Variants in CA10 observed in about 807,000 individuals in gnomAD.
CA10 encodes the protein carbonic anhydrase-related protein 10.
Under a neutral mutation model 44.2 loss-of-function variants are expected in CA10, and 14 were observed. The ratio of observed to expected loss-of-function variants is 0.32; its 90% CI spans 0.21 to 0.50. The LOEUF is 0.50. Among genes scored for constraint, CA10 ranks in the 20% least tolerant of loss-of-function variants. The probability of loss-of-function intolerance (pLI) is 0.99; values close to 1 mark genes in which losing one functional copy is unlikely to be tolerated. For synonymous variants in CA10, 159 were observed against 141.6 expected, an observed-to-expected ratio of 1.12 and a Z score of -0.87; for missense variants, 350 against 409.7, an observed-to-expected ratio of 0.85 and a Z score of 1.26.
chr17:52,022,442 A>G (rs1986172069), intron 2 of CA10, among the ~76,000 whole-genome samples: 1 of 152,120 alleles, frequency 6.6e-6, no homozygotes, highest in Non-Finnish European at 1.5e-5. Context: ...TAGGCATTGA[A>G]GGAATGTATC....
chr17:52,154,840 C>G (rs1598244106), intron 1 of CA10, among the ~76,000 whole-genome samples: 1 of 152,176 alleles, frequency 6.6e-6, no homozygotes, highest in Admixed American at 6.5e-5. Flanking sequence ...GTCTCATTTT[C>G]CAACAGTTTC....
chr17:51,672,575 C>G (rs1914468140), intron 4 of CA10, among the ~76,000 whole-genome samples: 1 of 152,144 alleles, frequency 6.6e-6, no homozygotes, highest in South Asian at 2.1e-4. Flanking sequence ...GTAGTTTACC[C>G]AATATCTCAC....
At chr17:51,940,448 G>A (rs1337708682) in intron 2 of CA10, among the ~76,000 whole-genome samples, 1 of 152,034 alleles carries the variant, frequency 6.6e-6, no homozygotes, top group Admixed American at 6.6e-5. Flanking sequence ...GACCATTCTT[G>A]GGGGCACAAG....
At position 51,706,625 on chromosome 17, in the gene CA10, C is replaced by G. The variant is rs190810951; in HGVS notation, c.465+41008G>C. Among the ~76,000 whole-genome samples, 79 of 152,276 alleles carry G rather than the reference C, an allele frequency of 5.2e-4. 1 individual carries two copies. The highest frequency in any genetic ancestry group is 1.9e-3 in the African/African-American group (79 of 41,570). On this transcript the variant is annotated intron_variant, in intron 4 of 8. Coordinates refer to ENST00000451037, the MANE Select transcript of CA10 (RefSeq NM_020178.5). The stretch of plus-strand genomic sequence containing the variant: ...AAACCTGCTAAAAGCTAAATCAGAT[C>G]ATACCACTCCCCTGCTTGAAGATGT...
chr17:52,090,595 T>G (rs1176688408), intron 1 of CA10, among the ~76,000 whole-genome samples: 2 of 152,272 alleles, frequency 1.3e-5, no homozygotes, highest in Admixed American at 6.5e-5. Context: ...TGGATAGATT[T>G]AAAAGTTAAA....
At chr17:52,034,788 T>C (rs752141721) in intron 2 of CA10, among the ~76,000 whole-genome samples, 4 of 152,030 alleles carry the variant, frequency 2.6e-5, no homozygotes, top group African/African-American at 7.2e-5. Flanking sequence ...CAGGAATAAA[T>C]AAGTGATGGT....
intron 2 of CA10, among the ~76,000 whole-genome samples, chr17:52,018,055 G>A (rs894113935): frequency 6.6e-6 from 1 of 152,140 alleles, no homozygotes; most frequent in African/African-American, 2.4e-5. Context: ...AAGAGTGAAG[G>A]AGGCTTGGCA....
At chr17:51,933,628 A>T (rs1038929245) in intron 2 of CA10, among the ~76,000 whole-genome samples, 1 of 152,122 alleles carries the variant, frequency 6.6e-6, no homozygotes, top group African/African-American at 2.4e-5. Flanking sequence ...GCAGTAACGG[A>T]AAAGTAATAC....
intron 1 of CA10, among the ~76,000 whole-genome samples, chr17:52,145,250 G>A (rs1989559690): frequency 1.3e-5 from 2 of 152,162 alleles, no homozygotes; most frequent in African/African-American, 4.8e-5. Context: ...TTTTCATCTT[G>A]TTGCCTCAAC....
chr17:52,041,652 C>A (rs149078205), intron 2 of CA10, among the ~76,000 whole-genome samples: 80 of 152,192 alleles, frequency 5.3e-4, no homozygotes, highest in African/African-American at 1.7e-3. Flanking sequence ...AGTATAGTCA[C>A]CATGCTGTAC....
intron 2 of CA10, among the ~76,000 whole-genome samples, chr17:51,956,759 G>A (rs1018071625): frequency 6.6e-6 from 1 of 151,862 alleles, no homozygotes; most frequent in African/African-American, 2.4e-5. Context: ...GTTCCTTTTG[G>A]TTCAGCAAAA....
Position 52,081,305 on chromosome 17 carries a change from C to T in CA10, c.62-8912G>A, listed in dbSNP as rs1253445302. On this transcript the variant is annotated intron_variant, in intron 1 of 8. Coordinates refer to ENST00000451037, the MANE Select transcript of CA10 (RefSeq NM_020178.5). Reference sequence around the variant, plus strand: ...ATGAAGATCAGCAGTGGTAGTATTTCAGGTGGATTCAAAGACTGAAAGTTG... The same window carrying T: ...ATGAAGATCAGCAGTGGTAGTATTTTAGGTGGATTCAAAGACTGAAAGTTG... Among the ~76,000 whole-genome samples the T allele has an allele frequency of 2.0e-5, 3 of 152,086 alleles. No homozygotes were observed. The East Asian group carries it at 5.8e-4, about 29-fold the overall frequency.
At chr17:51,840,719 G>C (rs893446774) in intron 3 of CA10, among the ~76,000 whole-genome samples, 28 of 152,156 alleles carry the variant, frequency 1.8e-4, no homozygotes, top group African/African-American at 6.3e-4. Context: ...AGTACAAATG[G>C]AGAAGCTATC....
intron 2 of CA10, among the ~76,000 whole-genome samples, chr17:52,042,213 C>T (rs757892812): frequency 2.0e-5 from 3 of 152,008 alleles, no homozygotes; most frequent in South Asian, 2.1e-4. Context: ...TTTCCATCAA[C>T]GGTGTATAAG....
chr17:51,831,056 G>A (rs1453085708), intron 3 of CA10, among the ~76,000 whole-genome samples: 1 of 152,146 alleles, frequency 6.6e-6, no homozygotes, highest in Non-Finnish European at 1.5e-5. Context: ...GCCATGTGTG[G>A]GCACTCACTA....
intron 3 of CA10, among the ~76,000 whole-genome samples, chr17:51,891,522 A>G (rs1244940802): frequency 6.6e-6 from 1 of 152,228 alleles, no homozygotes; most frequent in African/African-American, 2.4e-5. Flanking sequence ...AAGAAGGTTG[A>G]GACCAGACTC....
In CA10 at chr17:52,147,779, A is replaced by G. The variant is rs1419658264; in HGVS notation, c.61+9947T>C. ...ATTTCTATCACACCCAGGTCATACA[A>G]TAGAAACTTGATACTCACCGATGTC... On this transcript the variant is annotated intron_variant, in intron 1 of 8. Coordinates refer to ENST00000451037, the MANE Select transcript of CA10 (RefSeq NM_020178.5). Among the ~76,000 whole-genome samples, 3 of 152,244 alleles carry G rather than the reference A, an allele frequency of 2.0e-5. No individual in the cohort carries two copies. The East Asian group carries it at 5.8e-4, about 29-fold the overall frequency.
chr17:52,008,839 C>T (rs1985690608), intron 2 of CA10, among the ~76,000 whole-genome samples: 1 of 151,898 alleles, frequency 6.6e-6, no homozygotes, highest in African/African-American at 2.4e-5. Flanking sequence ...AGAGCTGATG[C>T]TGCTCTTGAG....
At chr17:51,734,083 T>C (rs1372914119) in intron 4 of CA10, among the ~76,000 whole-genome samples, 1 of 149,968 alleles carries the variant, frequency 6.7e-6, no homozygotes, top group Admixed American at 6.6e-5. Flanking sequence ...CAGAACAATC[T>C]GAGCTTTACT....
Sources: gnomAD v4.1 joint callset for allele counts (sites outside exome capture counted in the v4.1 genomes callset) on GRCh38, gnomAD v4.1.1 for gene constraint, MANE v1.5 for transcripts, NCBI Gene and HGNC (gene_info 2026-07-23, HGNC 2026-07-21) for gene names.